HHIP: variants seen among roughly 807,000 people sequenced by gnomAD.
The protein encoded by HHIP is hedgehog-interacting protein.
Under a neutral mutation model 74.0 loss-of-function variants are expected in HHIP, and 12 were observed. The ratio of observed to expected loss-of-function variants is 0.16; its 90% CI spans 0.10 to 0.26. The LOEUF is 0.26. Among genes scored for constraint, HHIP ranks in the 10% least tolerant of loss-of-function variants. HHIP has a pLI of 1.00. For synonymous variants in HHIP, 309 were observed against 311.6 expected (o/e 0.99, Z 0.09); for missense variants, 788 against 845.0 (o/e 0.93, Z 0.84).
chr4:144,689,947 T>A (rs1288864252), intron 4 of HHIP, among the ~76,000 whole-genome samples: 1 of 152,162 alleles, frequency 6.6e-6, no homozygotes, highest in East Asian at 1.9e-4. Flanking sequence ...TAGCTGGGAT[T>A]ACAGGCATGC....
chr4:144,671,668 C>T (rs952486789), intron 4 of HHIP, among the ~76,000 whole-genome samples: 9 of 152,104 alleles, frequency 5.9e-5, no homozygotes, highest in East Asian at 1.9e-4. Flanking sequence ...GGGATCATGA[C>T]GGCCTCATCT....
At chr4:144,680,631 G>A (rs1729307647) in intron 4 of HHIP, among the ~76,000 whole-genome samples, 1 of 152,190 alleles carries the variant, frequency 6.6e-6, no homozygotes, top group African/African-American at 2.4e-5. Context: ...TCAGAGCTAT[G>A]ACTATATGTT....
At position 144,660,033 on chromosome 4, in the gene HHIP, A is replaced by G. The variant is rs76222853; in HGVS notation, c.831+195A>G. On this transcript the variant is annotated intron_variant, in intron 4 of 12. Coordinates refer to ENST00000296575, the MANE Select transcript of HHIP (RefSeq NM_022475.3). ...ATTAAATTTCTGTTATTTGTTGACTATTGTGCGCTGCAATCGAATTGATAT... is the reference window on the plus strand; with the variant it reads ...ATTAAATTTCTGTTATTTGTTGACTGTTGTGCGCTGCAATCGAATTGATAT... The G allele has an allele frequency of 6.1e-3, 3,542 of 579,078 alleles. 95 individuals are homozygous for G. The highest frequency in any genetic ancestry group is 0.058 in the African/African-American group (3,107 of 53,378). The allele number at this position is 579,078 out of a possible 1,614,324, so 35.9% of individuals were successfully genotyped here.
intron 4 of HHIP, among the ~76,000 whole-genome samples, chr4:144,693,571 G>A (rs2078960372): frequency 6.6e-6 from 1 of 151,934 alleles, no homozygotes; most frequent in African/African-American, 2.4e-5. Context: ...ACTCCTCAGA[G>A]TTTTTTCTTT....
At chr4:144,705,697 A>G (rs1394207662) in intron 4 of HHIP, among the ~76,000 whole-genome samples, 1 of 152,236 alleles carries the variant, frequency 6.6e-6, no homozygotes, top group African/African-American at 2.4e-5. Context: ...ATGCCTTTCT[A>G]TTTAAGAACA....
chr4:144,684,824 T>C (rs1729444966), intron 4 of HHIP, among the ~76,000 whole-genome samples: 1 of 152,156 alleles, frequency 6.6e-6, no homozygotes, highest in African/African-American at 2.4e-5. Flanking sequence ...ATTCTGTAAC[T>C]TTCAACTCTA....
chr4:144,736,530 C>T (rs1181104310), intron 12 of HHIP, among the ~76,000 whole-genome samples: 2 of 152,084 alleles, frequency 1.3e-5, no homozygotes, highest in Admixed American at 6.5e-5. Context: ...TTATCTGAAG[C>T]CTGCTAGTGA....
At chr4:144,668,816 C>T (rs1728950836) in intron 4 of HHIP, among the ~76,000 whole-genome samples, 1 of 152,050 alleles carries the variant, frequency 6.6e-6, no homozygotes, top group African/African-American at 2.4e-5. Flanking sequence ...ATCTCTCAAA[C>T]CTCAGGCTAC....
chr4:144,665,816 T>C (rs770111203), intron 4 of HHIP, among the ~76,000 whole-genome samples: 4 of 152,198 alleles, frequency 2.6e-5, no homozygotes, highest in Admixed American at 6.5e-5. Context: ...GTTTCTCCAG[T>C]TGAGTAGAGA....
At chr4:144,656,635 T>A (rs1005521086) in intron 2 of HHIP, among the ~76,000 whole-genome samples, 3 of 152,174 alleles carry the variant, frequency 2.0e-5, no homozygotes, top group African/African-American at 7.2e-5. Context: ...AACATCACCT[T>A]AAAACTATAT....
In HHIP at chr4:144,646,431, G is replaced by C. The variant is rs201606659; in HGVS notation, c.-245G>C. 3.4e-5 allele frequency: 15 copies of C among 437,842 alleles called. No homozygotes were observed. Among genetic ancestry groups the C allele is most frequent in the Non-Finnish European group, 5.7e-5 (14 of 246,706 alleles). 27.1% of individuals were successfully genotyped at this position (437,842 alleles called of 1,614,324 possible). A position where few individuals can be genotyped will look rare whatever the true frequency, so the allele number is the denominator to read the frequency against. ...AACTGACACTGGCACAACTGCAAAC[G>C]GTGTCATCCGCACAACTTTATCTCG... On this transcript the variant is annotated 5_prime_UTR_variant, in exon 1 of 13. Coordinates refer to ENST00000296575, the MANE Select transcript of HHIP (RefSeq NM_022475.3).
intron 4 of HHIP, among the ~76,000 whole-genome samples, chr4:144,697,550 C>G (rs950717269): frequency 1.3e-5 from 2 of 152,030 alleles, no homozygotes; most frequent in African/African-American, 4.8e-5. Context: ...CAGCTGTCAA[C>G]TGCTGCCTGA....
rs1731166797 is a variant in HHIP at position 144,738,007 on chromosome 4, C to G, written c.*50C>G. ...ATTCCAATGGGCATTTATTTTTTATCCTGTCATTAAAAAAAAAAGACTGTT... is the reference window on the plus strand; with the variant it reads ...ATTCCAATGGGCATTTATTTTTTATGCTGTCATTAAAAAAAAAAGACTGTT... On this transcript the variant is annotated 3_prime_UTR_variant, in exon 13 of 13. Coordinates refer to ENST00000296575, the MANE Select transcript of HHIP (RefSeq NM_022475.3). 1.4e-6 allele frequency: 2 copies of G among 1,446,118 alleles called. No homozygotes were observed. Among genetic ancestry groups the G allele is most frequent in the Non-Finnish European group, 1.8e-6 (2 of 1,099,146 alleles). The allele number at this position is 1,446,118 out of a possible 1,614,324, so 89.6% of individuals were successfully genotyped here.
intron 7 of HHIP, among the ~76,000 whole-genome samples, chr4:144,710,174 T>C (rs1363391863): frequency 6.6e-6 from 1 of 152,226 alleles, no homozygotes; most frequent in Non-Finnish European, 1.5e-5. Context: ...CCTGGCCTGC[T>C]TTCCAGATTT....
rs973639593 is a variant in HHIP at position 144,715,925 on chromosome 4, C to T, written c.1678+495C>T. Among the ~76,000 whole-genome samples, 46 of 152,078 alleles carry T rather than the reference C, an allele frequency of 3.0e-4. 1 individual carries two copies. Among genetic ancestry groups the T allele is most frequent in the African/African-American group, 1.1e-3 (44 of 41,416 alleles). ...TGAGCAAGATGATCTGAGTGCAGAT[C>T]TTCTTTCCAATAGAATAGAAATTAT... is the stretch of plus-strand genomic sequence containing the variant. On this transcript the variant is annotated intron_variant, in intron 10 of 12. Coordinates refer to ENST00000296575, the MANE Select transcript of HHIP (RefSeq NM_022475.3).
At chr4:144,654,335 A>T (rs1020254478) in intron 2 of HHIP, among the ~76,000 whole-genome samples, 1 of 152,196 alleles carries the variant, frequency 6.6e-6, no homozygotes, top group African/African-American at 2.4e-5. Flanking sequence ...GTTTGTATAT[A>T]TGTAAAACTG....
intron 7 of HHIP, among the ~76,000 whole-genome samples, chr4:144,711,634 A>G (rs1041655376): frequency 6.6e-6 from 1 of 152,160 alleles, no homozygotes; most frequent in Non-Finnish European, 1.5e-5. Flanking sequence ...CTTATTCACA[A>G]TACTTTACCA....
intron 2 of HHIP, among the ~76,000 whole-genome samples, chr4:144,657,374 G>A (rs1728585194): frequency 6.6e-6 from 1 of 151,994 alleles, no homozygotes; most frequent in East Asian, 1.9e-4. Context: ...TTTCTACTGA[G>A]CTACTCAGTA....
At position 144,679,142 on chromosome 4, in the gene HHIP, T is replaced by C. The variant is rs374086855; in HGVS notation, c.831+19304T>C. On this transcript the variant is annotated intron_variant, in intron 4 of 12. Coordinates refer to ENST00000296575, the MANE Select transcript of HHIP (RefSeq NM_022475.3). The stretch of plus-strand genomic sequence containing the variant: ...TCTCTAATGACCAGGGATGATTAGT[T>C]TTTTTTTTCTATGTTTGTTGGCCGC... 7.9e-5 allele frequency among the ~76,000 whole-genome samples: 12 copies of C among 151,828 alleles called. No individual in the cohort carries two copies. In the East Asian group the frequency reaches 2.1e-3, roughly 27 times the overall value.
Sources: allele counts gnomAD v4.1 joint callset (sites outside exome capture counted in the v4.1 genomes callset), GRCh38; gene constraint gnomAD v4.1.1; transcripts MANE v1.5; gene names NCBI Gene and HGNC (gene_info 2026-07-23, HGNC 2026-07-21).